The following ZNF569 variants were observed in gnomAD, a reference collection of about 807,000 sequenced individuals.
ZNF569 encodes zinc finger protein 569.
Under a neutral mutation model 56.3 loss-of-function variants are expected in ZNF569, and 38 were observed. The observed-to-expected ratio is 0.68, with a 90% CI of 0.52 to 0.88. ZNF569 has a LOEUF of 0.88. Ranked by LOEUF, ZNF569 falls within the 40% of genes least tolerant of loss-of-function variation. ZNF569 has a pLI of 0.00. For missense variants in ZNF569, 666 were observed against 809.2 expected (o/e 0.82, Z 2.15); for synonymous variants, 241 against 262.9 (o/e 0.92, Z 0.81).
chr19:37,450,111 C>T (rs1315498544), intron 2 of ZNF569, among the ~76,000 whole-genome samples: 1 of 152,078 alleles, frequency 6.6e-6, no homozygotes, highest in Non-Finnish European at 1.5e-5. Context: ...GGAATACTGC[C>T]CTGCAGTTTT....
intron 5 of ZNF569, among the ~76,000 whole-genome samples, chr19:37,416,681 T>C (rs1283984687): frequency 2.6e-5 from 4 of 152,210 alleles, no homozygotes; most frequent in Non-Finnish European, 5.9e-5. Flanking sequence ...TTTTTGTTGC[T>C]TTTTTCCCCT....
At chr19:37,447,669 T>C (rs1033945234) in intron 2 of ZNF569, among the ~76,000 whole-genome samples, 13 of 152,134 alleles carry the variant, frequency 8.5e-5, no homozygotes, top group African/African-American at 3.1e-4. Context: ...CATCCTTGCA[T>C]TGTTCCCAGT....
chr19:37,415,356 ACT>A (rs1292825928), intron 5 of ZNF569, among the ~76,000 whole-genome samples: 1 of 152,156 alleles, frequency 6.6e-6, no homozygotes. Flanking sequence ...AGATAATAAA[ACT>A]CAACATCTAT....
chr19:37,420,021 A>C (rs1350517330), intron 5 of ZNF569, among the ~76,000 whole-genome samples: 1 of 143,714 alleles, frequency 7.0e-6, no homozygotes, highest in Non-Finnish European at 1.5e-5. Context: ...CGCCCAGGCA[A>C]GAGTGCAGAG....
At chr19:37,451,563 A>G (rs547437912) in intron 2 of ZNF569, among the ~76,000 whole-genome samples, 46 of 152,144 alleles carry the variant, frequency 3.0e-4, no homozygotes, top group Middle Eastern at 3.4e-3. Flanking sequence ...GTATTGCTGT[A>G]TATTTCTCCC....
At chr19:37,460,341 C>T (rs10426618) in intron 2 of ZNF569, among the ~76,000 whole-genome samples, 31,315 of 151,946 alleles carry the variant, frequency 0.21, 3,433 homozygotes, top group South Asian at 0.32. Context: ...CAGGGTTTCA[C>T]CATGTTGGCC....
chr19:37,433,324 T>G (rs1292100646), intron 3 of ZNF569, among the ~76,000 whole-genome samples: 1 of 151,852 alleles, frequency 6.6e-6, no homozygotes, highest in Non-Finnish European at 1.5e-5. Flanking sequence ...GAAAAATGAG[T>G]AAGAAAGAAT....
chr19:37,454,940 C>T, intron 2 of ZNF569: 2 of 694,088 alleles, frequency 2.9e-6, no homozygotes, highest in Non-Finnish European at 5.2e-6. Context: ...ACTTGGTTGC[C>T]CTGTGACCTC....
At chr19:37,454,017 A>G (rs2041634462) in intron 2 of ZNF569, among the ~76,000 whole-genome samples, 2 of 152,132 alleles carry the variant, frequency 1.3e-5, no homozygotes, top group South Asian at 4.1e-4. Flanking sequence ...AAGTTTTTAC[A>G]CTTAAACATG....
upstream of ZNF569, chr19:37,467,558 G>A (rs2041869009): frequency 2.8e-6 from 1 of 355,412 alleles, no homozygotes; most frequent in East Asian, 4.7e-5. Context: ...GTCCGTGAAG[G>A]AAGCCCGGCT....
At chr19:37,468,734 C>T (rs1184862466), upstream of ZNF569, among the ~76,000 whole-genome samples, 1 of 152,180 alleles carries the variant, frequency 6.6e-6, no homozygotes, top group African/African-American at 2.4e-5. Context: ...TCTCGAACTC[C>T]TGACCTCGTG....
intron 2 of ZNF569, among the ~76,000 whole-genome samples, chr19:37,451,474 G>A (rs1184724370): frequency 1.3e-5 from 2 of 150,502 alleles, no homozygotes; most frequent in African/African-American, 4.9e-5. Flanking sequence ...CAAGTCAAAT[G>A]TTTCCTTATT....
intron 5 of ZNF569, among the ~76,000 whole-genome samples, chr19:37,423,818 C>T (rs768750965): frequency 6.6e-6 from 1 of 152,142 alleles, no homozygotes; most frequent in Non-Finnish European, 1.5e-5. Flanking sequence ...AATGTAAATT[C>T]AAGCTATAAT....
rs2040838669 is a variant in ZNF569, at chr19:37,411,391, ATT to A, written c.*1204_*1205del. On this transcript the variant is annotated 3_prime_UTR_variant, in exon 6 of 6. Transcript: ENST00000316950. ...AATCTATCCATATAACTATAGGTAG[ATT>A]TTGTTTCTAAATTCTGTATTTTATC... 1 of 152,128 alleles carries A rather than the reference ATT, an allele frequency of 6.6e-6. No individual in the cohort carries two copies. The highest frequency in any genetic ancestry group is 2.4e-5 in the African/African-American group (1 of 41,442). 9.4% of individuals were successfully genotyped at this position (152,128 alleles called of 1,614,324 possible).
chr19:37,457,075 C>A (rs2041684199), intron 2 of ZNF569, among the ~76,000 whole-genome samples: 1 of 152,064 alleles, frequency 6.6e-6, no homozygotes, highest in East Asian at 1.9e-4. Flanking sequence ...TCAGCATTGC[C>A]ACATTTTTCT....
intron 3 of ZNF569, among the ~76,000 whole-genome samples, chr19:37,438,094 G>A (rs1029869274): frequency 3.9e-5 from 6 of 152,092 alleles, no homozygotes; most frequent in Non-Finnish European, 8.8e-5. Context: ...AAATAGCATG[G>A]TACTGACATA....
chr19:37,457,214 C>G (rs17243355), intron 2 of ZNF569, among the ~76,000 whole-genome samples: 24,002 of 152,054 alleles, frequency 0.16, 1,949 homozygotes, highest in Middle Eastern at 0.27. Context: ...ATTAAACATT[C>G]GTACAATAAA....
At chr19:37,440,643 A>G (rs149239965) in intron 3 of ZNF569, among the ~76,000 whole-genome samples, 2 of 152,352 alleles carry the variant, frequency 1.3e-5, no homozygotes, top group East Asian at 3.9e-4. Context: ...GACTAGCCTC[A>G]TAAGAAACAC....
At chr19:37,440,037 CA>C (rs2041378513) in intron 3 of ZNF569, among the ~76,000 whole-genome samples, 1 of 151,914 alleles carries the variant, frequency 6.6e-6, no homozygotes, top group Admixed American at 6.6e-5. Flanking sequence ...TAAAAATAAC[CA>C]AAAGAGTAAA....
Sources: allele counts gnomAD v4.1 joint callset (sites outside exome capture counted in the v4.1 genomes callset), GRCh38; gene constraint gnomAD v4.1.1; transcripts MANE v1.5; gene names NCBI Gene and HGNC (gene_info 2026-07-23, HGNC 2026-07-21).